The following PCDH15 variants were observed in gnomAD, a reference collection of about 807,000 sequenced individuals.
PCDH15 encodes the protein protocadherin-15.
PCDH15 carries 129 observed loss-of-function variants against 178.5 expected under a neutral mutation model. The ratio of observed to expected loss-of-function variants is 0.72; its 90% confidence interval spans 0.63 to 0.84. The LOEUF is 0.84. PCDH15 is among the 40% of genes least tolerant of loss of function. The pLI, the probability that PCDH15 is intolerant of heterozygous loss-of-function variation, is 0.00. For missense variants in PCDH15, 2,230 were observed against 2,099.9 expected, an observed-to-expected ratio of 1.06 and a Z score of -1.21; for synonymous variants, 800 against 732.0, an observed-to-expected ratio of 1.09 and a Z score of -1.50.
chr10:54,939,800 G>A (rs142277016), intron 2 of PCDH15, among the ~76,000 whole-genome samples: 7 of 152,210 alleles, frequency 4.6e-5, no homozygotes, highest in African/African-American at 1.7e-4. Flanking sequence ...TTTTTGTTGT[G>A]TCCTCAGATG....
intron 25 of PCDH15, among the ~76,000 whole-genome samples, chr10:53,931,350 A>G (rs981625552): frequency 1.3e-5 from 2 of 152,214 alleles, no homozygotes; most frequent in African/African-American, 2.4e-5. Context: ...TATGTATGCT[A>G]CAAATTTGCA....
intron 1 of PCDH15, among the ~76,000 whole-genome samples, chr10:54,680,455 G>A (rs1164149484): frequency 1.3e-5 from 2 of 152,054 alleles, no homozygotes; most frequent in Non-Finnish European, 2.9e-5. Context: ...TCTTTGTGGA[G>A]CTTTCTTTTT....
chr10:55,268,963 T>C (rs1842369661), intron 1 of PCDH15, among the ~76,000 whole-genome samples: 1 of 152,148 alleles, frequency 6.6e-6, no homozygotes, highest in Non-Finnish European at 1.5e-5. Context: ...ATTCCTGGAA[T>C]CCAAGGCTGG....
intron 2 of PCDH15, among the ~76,000 whole-genome samples, chr10:55,360,697 G>A (rs1269759967): frequency 3.3e-5 from 5 of 151,916 alleles, no homozygotes; most frequent in Non-Finnish European, 7.4e-5. Context: ...AACAATGAAT[G>A]GATATTCTAT....
intron 2 of PCDH15, among the ~76,000 whole-genome samples, chr10:55,581,494 T>A (rs1842613647): frequency 6.6e-6 from 1 of 151,596 alleles, no homozygotes; most frequent in Non-Finnish European, 1.5e-5. Context: ...GCTCTGTTTT[T>A]TTTAAATGTA....
At chr10:55,277,671 T>C (rs755882722) in intron 1 of PCDH15, among the ~76,000 whole-genome samples, 5 of 152,056 alleles carry the variant, frequency 3.3e-5, no homozygotes, top group Non-Finnish European at 1.5e-5. Flanking sequence ...TACTGTAATG[T>C]AGAACTCGTC....
chr10:55,572,055 G>T (rs1247010314), intron 2 of PCDH15, among the ~76,000 whole-genome samples: 1 of 151,900 alleles, frequency 6.6e-6, no homozygotes, highest in Non-Finnish European at 1.5e-5. Context: ...ATATTCCCAA[G>T]GAATGATTAT....
chr10:53,942,598 G>A (rs1356817491), intron 23 of PCDH15, among the ~76,000 whole-genome samples: 7 of 152,158 alleles, frequency 4.6e-5, no homozygotes, highest in African/African-American at 7.2e-5. Context: ...AGCAGTCCTC[G>A]TGGCAAGAAA....
At chr10:55,370,374 T>C (rs917214353) in intron 2 of PCDH15, among the ~76,000 whole-genome samples, 1 of 152,164 alleles carries the variant, frequency 6.6e-6, no homozygotes, top group Non-Finnish European at 1.5e-5. Context: ...TGACTAGGGC[T>C]AATACACTTC....
chr10:54,409,637 A>G (rs1038194479), intron 3 of PCDH15, among the ~76,000 whole-genome samples: 3 of 152,170 alleles, frequency 2.0e-5, no homozygotes, highest in African/African-American at 7.2e-5. Context: ...TTACAGTCTT[A>G]GCAAAACCAT....
chr10:54,790,882 G>A (rs937882205), intron 1 of PCDH15, among the ~76,000 whole-genome samples: 2 of 151,770 alleles, frequency 1.3e-5, no homozygotes, highest in Non-Finnish European at 2.9e-5. Flanking sequence ...AAATAAAACT[G>A]CTTTAAAATA....
rs77995842 is a variant in PCDH15 at position 54,326,716 on chromosome 10, C to T, written c.705+2880G>A. ...TACACTCACTGCCTCTCTTGAACATCATGAGGGTAGATATCAATTTGGTGC... is the reference window on the plus strand; with the variant it reads ...TACACTCACTGCCTCTCTTGAACATTATGAGGGTAGATATCAATTTGGTGC... On this transcript the variant is annotated intron_variant, in intron 7 of 37. Coordinates refer to ENST00000644397, the MANE Select transcript of PCDH15 (RefSeq NM_001384140.1). Among the ~76,000 whole-genome samples the T allele has an allele frequency of 6.0e-3, 910 of 152,164 alleles. 13 individuals are homozygous for T. The highest frequency in any genetic ancestry group is 0.021 in the African/African-American group (853 of 41,550).
intron 2 of PCDH15, among the ~76,000 whole-genome samples, chr10:55,146,453 C>A (rs9971365): frequency 0.37 from 56,545 of 151,722 alleles, 10,949 homozygotes; most frequent in Admixed American, 0.47. Flanking sequence ...AAGATGGAAT[C>A]TGGATTCTCA....
At chr10:54,513,289 C>T (rs2081895758) in intron 3 of PCDH15, among the ~76,000 whole-genome samples, 1 of 149,666 alleles carries the variant, frequency 6.7e-6, no homozygotes, top group South Asian at 2.1e-4. Flanking sequence ...GAGACACAGT[C>T]TCACTCTGTC....
At chr10:54,845,115 C>CT (rs955253660) in intron 3 of PCDH15, among the ~76,000 whole-genome samples, 1 of 151,480 alleles carries the variant, frequency 6.6e-6, no homozygotes, top group African/African-American at 2.4e-5. Flanking sequence ...AAGGAAAAGC[C>CT]TTTTTTTCTT....
chr10:54,057,426 A>T (rs1460167326), intron 18 of PCDH15, among the ~76,000 whole-genome samples: 1 of 152,194 alleles, frequency 6.6e-6, no homozygotes, highest in Admixed American at 6.5e-5. Context: ...CACGATCAAC[A>T]CCATGTGGAA....
chr10:55,351,217 A>G (rs906956968), intron 2 of PCDH15, among the ~76,000 whole-genome samples: 2 of 151,510 alleles, frequency 1.3e-5, no homozygotes, highest in African/African-American at 4.9e-5. Flanking sequence ...CAAATTTAAA[A>G]TATCTTATAT....
intron 3 of PCDH15, among the ~76,000 whole-genome samples, chr10:54,490,390 C>T (rs1046138149): frequency 6.6e-6 from 1 of 151,930 alleles, no homozygotes; most frequent in Non-Finnish European, 1.5e-5. Context: ...GCAGAGCTTG[C>T]AGTGAGCTGA....
chr10:54,114,033 A>G (rs11004075), intron 15 of PCDH15, among the ~76,000 whole-genome samples: 50,732 of 151,996 alleles, frequency 0.33, 8,700 homozygotes, highest in Middle Eastern at 0.4. Context: ...TCTCGCCCAC[A>G]TGATTCCATT....
Sources: gnomAD v4.1 joint callset for allele counts (sites outside exome capture counted in the v4.1 genomes callset) on GRCh38, gnomAD v4.1.1 for gene constraint, MANE v1.5 for transcripts, NCBI Gene and HGNC (gene_info 2026-07-23, HGNC 2026-07-21) for gene names.